Variants in BICC1 observed in about 807,000 individuals in gnomAD.
BICC1 encodes BicC family RNA binding protein 1.
A neutral mutation model predicts 111.0 loss-of-function variants in BICC1; 43 were observed. That is an observed-to-expected ratio of 0.39 (90% CI 0.30 to 0.50). The LOEUF (loss-of-function observed/expected upper bound fraction) is 0.50. Ranked by LOEUF, BICC1 falls within the 20% of genes least tolerant of loss-of-function variation. The pLI, the probability that BICC1 is intolerant of heterozygous loss-of-function variation, is 0.88. For missense variants in BICC1, 1,091 were observed against 1,203.2 expected, an observed-to-expected ratio of 0.91 and a Z score of 1.38; for synonymous variants, 467 against 434.4, an observed-to-expected ratio of 1.07 and a Z score of -0.93.
chr10:58,790,116 G>GTT (rs1357634590), intron 8 of BICC1, among the ~76,000 whole-genome samples, 183 bp downstream of exon 8: 1 of 152,108 alleles, frequency 6.6e-6, no homozygotes, highest in African/African-American at 2.4e-5. Flanking sequence ...GCCTCAACAG[G>GTT]TTTAATTTCA....
At chr10:58,783,553 C>A (rs979584647) in intron 3 of BICC1, among the ~76,000 whole-genome samples, 1 of 151,998 alleles carries the variant, frequency 6.6e-6, no homozygotes, top group Non-Finnish European at 1.5e-5. Flanking sequence ...CATGCCTTAT[C>A]CTAGAGAATA....
intron 3 of BICC1, among the ~76,000 whole-genome samples, chr10:58,708,058 G>A (rs1445112667): frequency 6.5e-5 from 9 of 139,410 alleles, no homozygotes; most frequent in Non-Finnish European, 1.1e-4. Flanking sequence ...TGGCCAGGCT[G>A]GTCGTGAACT....
At chr10:58,692,172 G>GAGAA in intron 2 of BICC1, among the ~76,000 whole-genome samples, 1 of 152,254 alleles carries the variant, frequency 6.6e-6, no homozygotes, top group African/African-American at 2.4e-5. Flanking sequence ...GTATGAGAGA[G>GAGAA]AGAAAGAGAG....
chr10:58,644,190 C>T (rs1838200967), intron 2 of BICC1, among the ~76,000 whole-genome samples: 1 of 152,092 alleles, frequency 6.6e-6, no homozygotes, highest in African/African-American at 2.4e-5. Context: ...CTACTCTTTC[C>T]CAAGTACCTA....
At chr10:58,591,346 G>T (rs1056451073) in intron 1 of BICC1, among the ~76,000 whole-genome samples, 1 of 152,104 alleles carries the variant, frequency 6.6e-6, no homozygotes, top group South Asian at 2.1e-4. Flanking sequence ...GTCCATTCCG[G>T]CTGCTATAAC....
At position 58,789,255 on chromosome 10, in the gene BICC1, A is replaced by G. The variant is rs111569305; in HGVS notation, c.601-7A>G. On this transcript the variant is annotated splice_region_variant and splice_polypyrimidine_tract_variant and intron_variant, in intron 6 of 20. Coordinates refer to ENST00000373886, the MANE Select transcript of BICC1 (RefSeq NM_001080512.3). ...CTCTGCTTTGGATTCTCATCATTTC[A>G]TTTTAGGAGCTGCTTCCTTTGGTGC... 3.0e-5 allele frequency: 48 copies of G among 1,610,854 alleles called. No individual in the cohort carries two copies. In the African/African-American group the frequency reaches 3.2e-4, roughly 11 times the overall value.
intron 3 of BICC1, among the ~76,000 whole-genome samples, chr10:58,774,624 A>T (rs1444377506): frequency 6.6e-6 from 1 of 152,170 alleles, no homozygotes; most frequent in Non-Finnish European, 1.5e-5. Context: ...TTCTCTTCTT[A>T]ATATATGTGT....
intron 2 of BICC1, among the ~76,000 whole-genome samples, chr10:58,639,149 T>A (rs1838042303): frequency 6.6e-6 from 1 of 152,152 alleles, no homozygotes; most frequent in Non-Finnish European, 1.5e-5. Flanking sequence ...CTAGTCACCA[T>A]GTTGTATAAT....
chr10:58,664,432 A>C (rs984433418), intron 2 of BICC1, among the ~76,000 whole-genome samples: 2 of 149,876 alleles, frequency 1.3e-5, no homozygotes, highest in Non-Finnish European at 3.0e-5. Context: ...TAGGTTCTTC[A>C]TAAGATATAG....
At chr10:58,757,664 G>T (rs986356189) in intron 3 of BICC1, among the ~76,000 whole-genome samples, 1 of 152,118 alleles carries the variant, frequency 6.6e-6, no homozygotes, top group Non-Finnish European at 1.5e-5. Context: ...TTTCACAAGA[G>T]CCAGGACCCC....
At chr10:58,821,753 A>G (rs1016619632) in intron 20 of BICC1, among the ~76,000 whole-genome samples, 1 of 152,176 alleles carries the variant, frequency 6.6e-6, no homozygotes, top group African/African-American at 2.4e-5. Context: ...TCATCTTGGT[A>G]TAGTGGAAAG....
At chr10:58,627,055 T>C (rs1407577760) in intron 2 of BICC1, among the ~76,000 whole-genome samples, 2 of 152,120 alleles carry the variant, frequency 1.3e-5, no homozygotes, top group Admixed American at 6.6e-5. Flanking sequence ...TGAGCCAAGA[T>C]TGTGCCATTG....
In BICC1 at chr10:58,738,614, A is replaced by G. The variant is rs1181961484; in HGVS notation, c.307+36471A>G. On this transcript the variant is annotated intron_variant, in intron 3 of 20. Transcript: ENST00000373886. ...ATGAACTTTAAAGTAGTTTTTTCCAATTCTGTGAAGAAAGTCATTGGTAGC... is the reference window on the plus strand; with the variant it reads ...ATGAACTTTAAAGTAGTTTTTTCCAGTTCTGTGAAGAAAGTCATTGGTAGC... 2.8e-5 allele frequency among the ~76,000 whole-genome samples: 4 copies of G among 145,242 alleles called. No homozygotes were observed. The South Asian group carries it at 9.2e-4, about 34-fold the overall frequency.
At chr10:58,763,854 A>G (rs920599379) in intron 3 of BICC1, among the ~76,000 whole-genome samples, 12 of 152,102 alleles carry the variant, frequency 7.9e-5, no homozygotes, top group African/African-American at 2.7e-4. Context: ...AAAGAATCAC[A>G]ATACTAGATA....
intron 2 of BICC1, among the ~76,000 whole-genome samples, chr10:58,669,970 A>G (rs1166356493): frequency 6.6e-6 from 1 of 152,182 alleles, no homozygotes; most frequent in African/African-American, 2.4e-5. Context: ...AAGGAAAGGA[A>G]GAAGAATGTG....
At chr10:58,801,953 A>G (rs1050820272) in intron 14 of BICC1, among the ~76,000 whole-genome samples, 1 of 152,218 alleles carries the variant, frequency 6.6e-6, no homozygotes, top group Non-Finnish European at 1.5e-5. Flanking sequence ...TATTCTTGTC[A>G]TCACTGAGTA....
At chr10:58,688,197 C>T (rs1388053458) in intron 2 of BICC1, among the ~76,000 whole-genome samples, 1 of 151,976 alleles carries the variant, frequency 6.6e-6, no homozygotes. Context: ...TGGAAGGGGA[C>T]CCAAGTGGGT....
At chr10:58,780,012 A>G (rs1334554766) in intron 3 of BICC1, among the ~76,000 whole-genome samples, 1 of 152,180 alleles carries the variant, frequency 6.6e-6, no homozygotes, top group Non-Finnish European at 1.5e-5. Context: ...AATGGTTGCA[A>G]AGAATCTCAG....
intron 1 of BICC1, among the ~76,000 whole-genome samples, chr10:58,530,706 A>T (rs1306477096): frequency 6.7e-6 from 1 of 148,768 alleles, no homozygotes; most frequent in Non-Finnish European, 1.5e-5. Flanking sequence ...AAAAAAGAAA[A>T]TCAGAAAGGG....
Sources: allele counts gnomAD v4.1 joint callset (sites outside exome capture counted in the v4.1 genomes callset), GRCh38; gene constraint gnomAD v4.1.1; transcripts MANE v1.5; gene names NCBI Gene and HGNC (gene_info 2026-07-23, HGNC 2026-07-21).